TDRD7: variants seen among roughly 807,000 people sequenced by gnomAD.
TDRD7 encodes tudor domain containing 7, also known as tudor domain-containing protein 7.
Under a neutral mutation model 109.8 loss-of-function variants are expected in TDRD7, and 47 were observed. That is an observed-to-expected ratio of 0.43 (90% CI 0.34 to 0.55). The LOEUF (loss-of-function observed/expected upper bound fraction) is 0.55, where lower values mean the gene tolerates loss of function less well. Ranked by LOEUF, TDRD7 falls within the 20% of genes least tolerant of loss-of-function variation. The pLI is 0.03. For missense variants in TDRD7, 1,164 were observed against 1,319.2 expected, an observed-to-expected ratio of 0.88 and a Z score of 1.82; for synonymous variants, 424 against 457.3, an observed-to-expected ratio of 0.93 and a Z score of 0.93.
chr9:97,487,013 G>T (rs1363917620), intron 15 of TDRD7, among the ~76,000 whole-genome samples, 159 bp from the exon 16 acceptor site: 1 of 152,220 alleles, frequency 6.6e-6, no homozygotes, highest in Non-Finnish European at 1.5e-5. Flanking sequence ...GGAAAAAGGA[G>T]CAGGAAATGC....
At position 97,452,196 on chromosome 9, in the gene TDRD7, G is replaced by A. The variant is rs78880800; in HGVS notation, c.856-7982G>A. 8.3e-3 allele frequency among the ~76,000 whole-genome samples: 1,255 copies of A among 152,098 alleles called. 43 individuals carry two copies. In the East Asian group the frequency reaches 0.11, roughly 13 times the overall value. ...GCCACTGCACTCTAGCCTGGGCAAC[G>A]GAACAAGTCCCAGCCTTAACAAAAA... On this transcript the variant is annotated intron_variant, in intron 6 of 16. Coordinates refer to ENST00000355295, the MANE Select transcript of TDRD7 (RefSeq NM_014290.3).
chr9:97,417,223 A>G (rs1411159951), intron 1 of TDRD7, among the ~76,000 whole-genome samples: 1 of 152,112 alleles, frequency 6.6e-6, no homozygotes, highest in African/African-American at 2.4e-5. Context: ...GAAAATAAAG[A>G]GAAGAGAGAA....
In TDRD7 at chr9:97,482,939, C is replaced by G. The variant is rs370374788; in HGVS notation, c.2503C>G (p.Gln835Glu). 4 of 1,614,018 alleles carry G rather than the reference C, an allele frequency of 2.5e-6. No homozygotes were observed. The highest frequency in any genetic ancestry group is 3.4e-6 in the Non-Finnish European group (4 of 1,180,042). ...TGACCCTCATCGCAGTATTAATCGC[C>G]AGATTACAAATGCAGACTTGTGGAA... ...FPDPHRSINR[Q>E]ITNADLWKHQ... is the part of the protein sequence containing the mutation. The change falls in exon 15 of 17, where the codon CAG becomes GAG. Residue 835 changes from glutamine (Q) to glutamate (E), a missense_variant. By Grantham distance (29) the Gln-to-Glu change is conservative. Around this residue, in one of 5 missense-constraint regions of TDRD7, gnomAD observed 233 missense variants for 218.0 expected, o/e 1.07. Coordinates refer to ENST00000355295, the MANE Select transcript of TDRD7 (RefSeq NM_014290.3).
intron 8 of TDRD7, among the ~76,000 whole-genome samples, chr9:97,468,399 C>T (rs1828853966): frequency 1.3e-5 from 2 of 152,204 alleles, no homozygotes; most frequent in South Asian, 4.1e-4. Context: ...CTCGTCATTG[C>T]TGCTGAGAAT....
intron 6 of TDRD7, among the ~76,000 whole-genome samples, chr9:97,457,847 C>G (rs1409886509): frequency 6.6e-6 from 1 of 152,088 alleles, no homozygotes; most frequent in Admixed American, 6.5e-5. Flanking sequence ...ATGGATGAAA[C>G]CGGAAGCCAT....
intron 2 of TDRD7, among the ~76,000 whole-genome samples, chr9:97,429,229 C>G (rs1828059133): frequency 6.6e-6 from 1 of 152,150 alleles, no homozygotes; most frequent in Non-Finnish European, 1.5e-5. Flanking sequence ...ATCCTTCTGC[C>G]TCTCTGGAAG....
At chr9:97,476,793 A>C (rs1451983366) in intron 12 of TDRD7, among the ~76,000 whole-genome samples, 1 of 152,170 alleles carries the variant, frequency 6.6e-6, no homozygotes, top group Non-Finnish European at 1.5e-5. Context: ...ATCAACCCCC[A>C]AAAGGTAAGA....
chr9:97,462,975 TAGC>T (rs1421332802), intron 7 of TDRD7, among the ~76,000 whole-genome samples: 3 of 152,234 alleles, frequency 2.0e-5, no homozygotes, highest in Non-Finnish European at 4.4e-5. Context: ...CAGGGCTACA[TAGC>T]AGCACTAGGG....
intron 4 of TDRD7, among the ~76,000 whole-genome samples, chr9:97,439,024 T>C (rs970330744): frequency 6.6e-6 from 1 of 152,208 alleles, no homozygotes; most frequent in African/African-American, 2.4e-5. Flanking sequence ...TTCAAAGACC[T>C]AGTTTAAATT....
At chr9:97,435,744 A>G (rs1828184941) in intron 4 of TDRD7, among the ~76,000 whole-genome samples, 1 of 152,180 alleles carries the variant, frequency 6.6e-6, no homozygotes, top group South Asian at 2.1e-4. Context: ...TTTAAGAGAA[A>G]TCTAAATACT....
intron 4 of TDRD7, among the ~76,000 whole-genome samples, chr9:97,436,843 C>T (rs1249973863): frequency 6.6e-6 from 1 of 152,098 alleles, no homozygotes; most frequent in Non-Finnish European, 1.5e-5. Flanking sequence ...CTATCTTTAC[C>T]AGTACTAAAG....
rs886931379 is a variant in TDRD7 at position 97,431,902 on chromosome 9, C to T, written c.350-123C>T. The T allele has an allele frequency of 2.3e-5, 21 of 904,664 alleles. No homozygotes were observed. The East Asian group carries it at 3.1e-4, about 14-fold the overall frequency. 56.0% of individuals were successfully genotyped at this position (904,664 alleles called of 1,614,324 possible). On this transcript the variant is annotated intron_variant, in intron 3 of 16. Coordinates refer to ENST00000355295, the MANE Select transcript of TDRD7 (RefSeq NM_014290.3). ...ACCAGCCCTCCAGTGGCAACCTCCT[C>T]GTGTTCTTACAAACTGTTCTGAGAA...
intron 4 of TDRD7, among the ~76,000 whole-genome samples, chr9:97,438,246 A>G (rs1392074837): frequency 6.6e-6 from 1 of 152,224 alleles, no homozygotes; most frequent in Non-Finnish European, 1.5e-5. Context: ...CATATACCAA[A>G]TAAGTTTTTA....
At position 97,483,218 on chromosome 9, in the gene TDRD7, G is replaced by A. The variant is rs200572225; in HGVS notation, c.2782G>A (p.Val928Ile). 79 of 1,613,164 alleles carry A rather than the reference G, an allele frequency of 4.9e-5. No individual in the cohort carries two copies. Among genetic ancestry groups the A allele is most frequent in the Non-Finnish European group, 6.1e-5 (72 of 1,179,402 alleles). The change falls in exon 15 of 17, where the codon GTC becomes ATC. Residue 928 changes from valine to isoleucine, a missense_variant. Physicochemically the swap from Val to Ile is conservative, Grantham distance 29. Around this residue, in one of 5 missense-constraint regions of TDRD7, gnomAD observed 162 missense variants for 222.5 expected, o/e 0.73. Transcript: ENST00000355295. ...VPVACHPGYFVIQPWQEIHKL... is the reference protein window; with the variant it reads ...VPVACHPGYFIIQPWQEIHKL... ...TGTGGCCTGTCACCCAGGCTACTTCGTCATCCAGCCTTGGCAGGAGATACA... is the reference window on the plus strand; with the variant it reads ...TGTGGCCTGTCACCCAGGCTACTTCATCATCCAGCCTTGGCAGGAGATACA...
intron 6 of TDRD7, among the ~76,000 whole-genome samples, chr9:97,449,380 G>A (rs963327722): frequency 2.0e-5 from 3 of 152,142 alleles, no homozygotes; most frequent in Non-Finnish European, 2.9e-5. Context: ...CACTAGTTGC[G>A]CAGATCCAGG....
Position 97,472,484 on chromosome 9 carries a change from G to A in TDRD7, c.1933G>A (p.Val645Ile), listed in dbSNP as rs1828938883. 2.5e-6 allele frequency: 4 copies of A among 1,613,126 alleles called. No individual in the cohort carries two copies. The highest frequency in any genetic ancestry group is 3.4e-6 in the Non-Finnish European group (4 of 1,179,474). The change falls in exon 10 of 17, where the codon GTT becomes ATT. Residue 645 changes from valine (V) to isoleucine (I), a missense_variant. By Grantham distance (29) the Val-to-Ile change is conservative. This residue lies in a region of TDRD7 where 261 missense variants were observed against 336.2 expected (regional missense o/e 0.78). Transcript: ENST00000355295. The part of the protein sequence containing the change: ...LKAICDKSLE[V>I]HLQVDAMYTN... ...GGCTATATGTGACAAGTCACTAGAG[G>A]TTCACCTGCAGGTACCACTGTGATC...
chr9:97,486,868 T>G (rs1437907332), intron 15 of TDRD7, among the ~76,000 whole-genome samples: 1 of 152,118 alleles, frequency 6.6e-6, no homozygotes, highest in Non-Finnish European at 1.5e-5. Flanking sequence ...TCCATGGTGT[T>G]TGTTTCTTCT....
rs147426222 is a variant in TDRD7 at position 97,445,537 on chromosome 9, G to A, written c.855+3662G>A. Among the ~76,000 whole-genome samples the A allele has an allele frequency of 1.4e-3, 212 of 152,324 alleles. 1 individual carries two copies. Among genetic ancestry groups the A allele is most frequent in the African/African-American group, 4.7e-3 (195 of 41,574 alleles). On this transcript the variant is annotated intron_variant, in intron 6 of 16. Transcript: ENST00000355295. ...TCAAGTAAAGCTTCCAGGGGAGGTG[G>A]CTGTTAAACTAAAACCTGACAGATG...
chr9:97,418,917 A>G (rs996557617), intron 1 of TDRD7, among the ~76,000 whole-genome samples: 1 of 152,208 alleles, frequency 6.6e-6, no homozygotes, highest in Admixed American at 6.5e-5. Context: ...GCTCTTTCCA[A>G]AATGAAGGGA....
Sources: gnomAD v4.1 joint callset for allele counts (sites outside exome capture counted in the v4.1 genomes callset) on GRCh38, gnomAD v4.1.1 for gene constraint, gnomAD v4.1.1 regional missense constraint, MANE v1.5 for transcripts, NCBI Gene and HGNC (gene_info 2026-07-23, HGNC 2026-07-21) for gene names.